Variants in APLF observed in about 807,000 individuals in gnomAD.
APLF encodes the protein aprataxin and PNK-like factor.
APLF carries 61 observed loss-of-function variants against 55.6 expected under a neutral mutation model. That is an observed-to-expected ratio of 1.10 (90% CI 0.89 to 1.36). APLF has a LOEUF of 1.36. Among genes scored for constraint, APLF ranks in the 40% most tolerant of loss-of-function variants. The pLI is 0.00. For missense variants in APLF, 611 were observed against 602.5 expected (o/e 1.01, Z -0.15); for synonymous variants, 207 against 214.8 (o/e 0.96, Z 0.32).
intron 2 of APLF, among the ~76,000 whole-genome samples, chr2:68,491,390 A>G (rs1676354836): frequency 6.6e-6 from 1 of 152,180 alleles, no homozygotes; most frequent in South Asian, 2.1e-4. Flanking sequence ...ATAGTGCCTA[A>G]GACATAGTAG....
intron 2 of APLF, among the ~76,000 whole-genome samples, chr2:68,497,223 T>C (rs945719576): frequency 1.3e-5 from 2 of 152,026 alleles, no homozygotes; most frequent in African/African-American, 4.8e-5. Context: ...AACCAGTACA[T>C]CACATGTTGA....
chr2:68,506,016 G>T (rs1319366381), intron 3 of APLF, among the ~76,000 whole-genome samples: 1 of 151,942 alleles, frequency 6.6e-6, no homozygotes, highest in Non-Finnish European at 1.5e-5. Flanking sequence ...AGGTGTGGTT[G>T]AAAGGGGTAT....
At position 68,549,881 on chromosome 2, in the gene APLF, T is replaced by C. The variant is rs148348378; in HGVS notation, c.1286+4569T>C. ...TGGGAAATTTACTCAGAGCTGTATC[T>C]TTCTTCCACATATTGACTCTCCAGT... On this transcript the variant is annotated intron_variant, in intron 8 of 9. Coordinates refer to ENST00000303795, the MANE Select transcript of APLF (RefSeq NM_173545.3). 9.8e-3 allele frequency among the ~76,000 whole-genome samples: 1,492 copies of C among 152,258 alleles called. 29 individuals are homozygous for C. Among genetic ancestry groups the C allele is most frequent in the African/African-American group, 0.034 (1,420 of 41,530 alleles).
intron 6 of APLF, 115 bp from the exon 7 acceptor site, chr2:68,537,757 A>G: frequency 1.4e-6 from 1 of 730,866 alleles, no homozygotes; most frequent in Non-Finnish European, 2.2e-6. Flanking sequence ...TAAAATGTGA[A>G]TCTTGAAGTT....
Position 68,571,576 on chromosome 2 carries a change from C to G in APLF, c.1333+4189C>G, listed in dbSNP as rs192055417. The stretch of plus-strand genomic sequence containing the variant: ...AATCCTTTCCCCATTTCTTGTTTTT[C>G]TCAGGTTTGTCAAAGATCAGATAGT... On this transcript the variant is annotated intron_variant, in intron 9 of 9. Transcript: ENST00000303795. Among the ~76,000 whole-genome samples, 350 of 152,126 alleles carry G rather than the reference C, an allele frequency of 2.3e-3. 1 individual carries two copies. Among genetic ancestry groups the G allele is most frequent in the African/African-American group, 7.4e-3 (308 of 41,508 alleles).
chr2:68,551,695 A>G (rs1480283982), intron 8 of APLF, among the ~76,000 whole-genome samples: 1 of 148,234 alleles, frequency 6.7e-6, no homozygotes, highest in Non-Finnish European at 1.5e-5. Flanking sequence ...TTTAAAAAAC[A>G]TATTAATCTT....
At chr2:68,500,877 C>A (rs1466286649) in intron 2 of APLF, among the ~76,000 whole-genome samples, 1 of 152,176 alleles carries the variant, frequency 6.6e-6, no homozygotes, top group Non-Finnish European at 1.5e-5. Context: ...TTGTTGCACT[C>A]AAAAGCTCAA....
At chr2:68,546,215 A>C (rs1380575978) in intron 8 of APLF, among the ~76,000 whole-genome samples, 1 of 152,126 alleles carries the variant, frequency 6.6e-6, no homozygotes, top group Non-Finnish European at 1.5e-5. Flanking sequence ...AGAAAAATAC[A>C]ACTTTAAGAA....
At position 68,578,754 on chromosome 2, in the gene APLF, G is replaced by A. The variant is rs1671689394; in HGVS notation, c.*732G>A. ...TCCTAGCTGATTATTTTAACTCTCA[G>A]TGTGCTGTCTTTATATTAAGAATAG... On this transcript the variant is annotated 3_prime_UTR_variant, in exon 10 of 10. Transcript: ENST00000303795. The A allele has an allele frequency of 3.0e-6, 3 of 985,094 alleles. No individual in the cohort carries two copies. The highest frequency in any genetic ancestry group is 2.4e-6 in the Non-Finnish European group (2 of 829,820). The allele number at this position is 985,094 out of a possible 1,614,324, so 61.0% of individuals were successfully genotyped here. A position where few individuals can be genotyped will look rare whatever the true frequency, so the allele number is the denominator to read the frequency against.
intron 9 of APLF, among the ~76,000 whole-genome samples, chr2:68,573,057 TA>T (rs540041618): frequency 1.8e-4 from 28 of 152,276 alleles, no homozygotes; most frequent in African/African-American, 6.7e-4. Flanking sequence ...TCTGCATATA[TA>T]AAAAAATCAG....
At position 68,511,024 on chromosome 2, in the gene APLF, A is replaced by G. The variant is rs563141702; in HGVS notation, c.342-2056A>G. On this transcript the variant is annotated intron_variant, in intron 3 of 9. Coordinates refer to ENST00000303795, the MANE Select transcript of APLF (RefSeq NM_173545.3). ...TTGCGAGGAGCAGGAGGAAGAGGCAATAGGAAGAGATTGCTAATGCATATG... is the reference window on the plus strand; with the variant it reads ...TTGCGAGGAGCAGGAGGAAGAGGCAGTAGGAAGAGATTGCTAATGCATATG... Among the ~76,000 whole-genome samples, 4 of 151,968 alleles carry G rather than the reference A, an allele frequency of 2.6e-5. No individual in the cohort carries two copies. The South Asian group carries it at 8.3e-4, about 31-fold the overall frequency.
chr2:68,574,654 G>A (rs1054618944), intron 9 of APLF, among the ~76,000 whole-genome samples: 3 of 152,218 alleles, frequency 2.0e-5, no homozygotes, highest in African/African-American at 4.8e-5. Context: ...AACATAAAAT[G>A]TAAGTGATGA....
In APLF at chr2:68,467,919, A is replaced by G. The variant is rs1333092916; in HGVS notation, c.96+92A>G. 6 of 979,300 alleles carry G rather than the reference A, an allele frequency of 6.1e-6. No individual in the cohort carries two copies. In the African/African-American group the frequency reaches 6.7e-5, roughly 11 times the overall value. 60.7% of individuals were successfully genotyped at this position (979,300 alleles called of 1,614,324 possible). A position where few individuals can be genotyped will look rare whatever the true frequency, so the allele number is the denominator to read the frequency against. ...GGCCCTAGTCCTGGCCGGTTTCCCC[A>G]CCGCACTGGTCCGCCGGTCCGGATT... On this transcript the variant is annotated intron_variant, in intron 1 of 9. Transcript: ENST00000303795.
At chr2:68,518,294 T>G (rs1395855281) in intron 5 of APLF, among the ~76,000 whole-genome samples, 2 of 115,010 alleles carry the variant, frequency 1.7e-5, no homozygotes, top group Admixed American at 1.1e-4. Flanking sequence ...TATTAATATA[T>G]TAATATATTA....
At chr2:68,574,544 A>G (rs990571441) in intron 9 of APLF, among the ~76,000 whole-genome samples, 1 of 152,190 alleles carries the variant, frequency 6.6e-6, no homozygotes, top group African/African-American at 2.4e-5. Context: ...ATGTGAGTTA[A>G]GGTGGATTAC....
At chr2:68,570,562 C>T (rs1671430861) in intron 9 of APLF, among the ~76,000 whole-genome samples, 1 of 151,550 alleles carries the variant, frequency 6.6e-6, no homozygotes. Flanking sequence ...TTTGTCCTTG[C>T]GATAGTTTGC....
chr2:68,511,091 A>G (rs1677035696), intron 3 of APLF, among the ~76,000 whole-genome samples: 1 of 151,746 alleles, frequency 6.6e-6, no homozygotes, highest in South Asian at 2.1e-4. Context: ...AAAATTAGAT[A>G]TTGGTGATAG....
At chr2:68,469,826 G>A (rs1205810135) in intron 1 of APLF, among the ~76,000 whole-genome samples, 1 of 152,172 alleles carries the variant, frequency 6.6e-6, no homozygotes, top group African/African-American at 2.4e-5. Context: ...AATCGGAAAC[G>A]ATTAATATAA....
intron 8 of APLF, among the ~76,000 whole-genome samples, chr2:68,550,536 TAC>T (rs1229227239): frequency 6.6e-6 from 1 of 152,186 alleles, no homozygotes; most frequent in East Asian, 1.9e-4. Flanking sequence ...CAACCCCATT[TAC>T]ATTTAATACT....
Sources: allele counts gnomAD v4.1 joint callset (sites outside exome capture counted in the v4.1 genomes callset), GRCh38; gene constraint gnomAD v4.1.1; transcripts MANE v1.5; gene names NCBI Gene and HGNC (gene_info 2026-07-23, HGNC 2026-07-21).